EPN2: variants seen among roughly 807,000 people sequenced by gnomAD.
EPN2 encodes the protein epsin-2.
Under a neutral mutation model 61.7 loss-of-function variants are expected in EPN2, and 34 were observed. That is an observed-to-expected ratio of 0.55 (90% confidence interval 0.42 to 0.73). The LOEUF is 0.73. EPN2 is among the 30% of genes least tolerant of loss of function. The pLI is 0.00. For synonymous variants in EPN2, 349 were observed against 353.6 expected (o/e 0.99, Z 0.15); for missense variants, 714 against 839.2 (o/e 0.85, Z 1.84).
At chr17:19,277,886 C>T (rs182973941) in intron 1 of EPN2, among the ~76,000 whole-genome samples, 16 of 152,154 alleles carry the variant, frequency 1.1e-4, no homozygotes, top group Admixed American at 1.0e-3. Flanking sequence ...TCCTGGCTAA[C>T]ACGGTGAAAC....
chr17:19,286,483 AC>A (rs1446363067), intron 4 of EPN2, among the ~76,000 whole-genome samples: 1 of 152,168 alleles, frequency 6.6e-6, no homozygotes, highest in East Asian at 1.9e-4. Flanking sequence ...TAAACTGAAA[AC>A]AGATTTTCAC....
At chr17:19,325,875 A>T (rs1025562493) in intron 7 of EPN2, among the ~76,000 whole-genome samples, 2 of 152,250 alleles carry the variant, frequency 1.3e-5, no homozygotes, top group Admixed American at 6.5e-5. Flanking sequence ...TTGAATTATT[A>T]TTAGAATCAA....
At chr17:19,333,607 C>A (rs1907262971) in intron 10 of EPN2, among the ~76,000 whole-genome samples, 1 of 152,136 alleles carries the variant, frequency 6.6e-6, no homozygotes, top group Non-Finnish European at 1.5e-5. Flanking sequence ...TTTCAGCAAA[C>A]AAAATGAGGG....
intron 7 of EPN2, 89 bp from the exon 8 acceptor site, chr17:19,328,622 G>A (rs1264279173): frequency 8.0e-7 from 1 of 1,249,302 alleles, no homozygotes; most frequent in Admixed American, 2.3e-5. Context: ...ATAGACCCTG[G>A]TGTGGCTGGC....
chr17:19,283,068 A>G lies in EPN2; in HGVS notation c.-52A>G, dbSNP rs761570958. ...CATAGGGTGCGCACTTACCAAGGACAGGAAGGTTTCTCTGTTTGAAGGGCT... is the reference window on the plus strand; with the variant it reads ...CATAGGGTGCGCACTTACCAAGGACGGGAAGGTTTCTCTGTTTGAAGGGCT... On this transcript the variant is annotated 5_prime_UTR_variant, in exon 3 of 11. Coordinates refer to ENST00000314728, the MANE Select transcript of EPN2 (RefSeq NM_014964.5). This position sits in a 1 kb window ranked among gnomAD's most constrained non-coding sequence, Gnocchi z 7.0. The G allele has an allele frequency of 4.3e-6, 6 of 1,394,766 alleles. No homozygotes were observed. The highest frequency in any genetic ancestry group is 1.3e-5 in the South Asian group (1 of 75,864). 86.4% of individuals were successfully genotyped at this position (1,394,766 alleles called of 1,614,324 possible).
intron 1 of EPN2, among the ~76,000 whole-genome samples, chr17:19,270,777 G>C (rs76692401): frequency 6.6e-6 from 1 of 152,198 alleles, no homozygotes; most frequent in Non-Finnish European, 1.5e-5. Flanking sequence ...CAGGCTGCTG[G>C]TGTCGCTCCT....
intron 1 of EPN2, among the ~76,000 whole-genome samples, chr17:19,264,484 A>T (rs888333882): frequency 6.6e-6 from 1 of 152,148 alleles, no homozygotes; most frequent in Non-Finnish European, 1.5e-5. Context: ...CAGCTCTCTC[A>T]TGTTCCTTAT....
At chr17:19,312,565 A>T (rs1198828025) in intron 6 of EPN2, among the ~76,000 whole-genome samples, 2 of 152,210 alleles carry the variant, frequency 1.3e-5, no homozygotes, top group African/African-American at 4.8e-5. Context: ...GGCTCTTGAC[A>T]AGCTCATCAT....
rs190414563 is a variant in EPN2 at position 19,315,748 on chromosome 17, G to A, written c.1147+2469G>A. Among the ~76,000 whole-genome samples the A allele has an allele frequency of 2.6e-5, 4 of 152,288 alleles. No homozygotes were observed. The East Asian group carries it at 7.7e-4, about 29-fold the overall frequency. ...GATCCGCTTGCCTCGGCCTCCCAAA[G>A]TGTTGGGATTACAGGCATGAGGCAC... is the stretch of plus-strand genomic sequence containing the variant. On this transcript the variant is annotated intron_variant, in intron 7 of 10. Coordinates refer to ENST00000314728, the MANE Select transcript of EPN2 (RefSeq NM_014964.5).
At chr17:19,305,750 G>T (rs1905807821) in intron 4 of EPN2, among the ~76,000 whole-genome samples, 1 of 152,116 alleles carries the variant, frequency 6.6e-6, no homozygotes, top group Non-Finnish European at 1.5e-5. Context: ...GCAGTCCCTG[G>T]AGCAGACAGG....
Position 19,285,756 on chromosome 17 carries a change from C to A in EPN2, c.732C>A (p.Ser244=). ...CCTCCCGCCCAAATGGCGACTGGTC[C>A]CAGCCCTGCCTCACTTGTGACCGCG... ...GLASRPNGDW[S]QPCLTCDRAA... is the part of the protein sequence containing the mutation. Residue 244 remains serine (S), a synonymous_variant, in exon 4 of 11, where the codon TCC becomes TCA. Transcript: ENST00000314728. The surrounding 1 kb of genome is among the most constrained non-coding windows in gnomAD (Gnocchi z 4.5). 1.9e-6 allele frequency: 3 copies of A among 1,607,580 alleles called. 1 individual carries two copies. The South Asian group carries it at 3.3e-5, about 18-fold the overall frequency.
At chr17:19,289,118 A>G (rs4079587) in intron 4 of EPN2, among the ~76,000 whole-genome samples, 131,725 of 136,564 alleles carry the variant, frequency 0.96, 63,794 homozygotes, top group African/African-American at 0.99. Context: ...AGAATCTTGC[A>G]CTGTCACCCA....
intron 4 of EPN2, among the ~76,000 whole-genome samples, chr17:19,296,266 T>A (rs1311937339): frequency 6.6e-6 from 1 of 151,964 alleles, no homozygotes; most frequent in Non-Finnish European, 1.5e-5. Flanking sequence ...TTCTCATGTC[T>A]CAGCCTCCCG....
intron 4 of EPN2, among the ~76,000 whole-genome samples, chr17:19,293,450 GCCTCTA>G (rs2045484635): frequency 1.3e-5 from 2 of 150,364 alleles, no homozygotes; most frequent in Admixed American, 1.3e-4. Context: ...GCTCACTGCA[GCCTCTA>G]CCTCCCTGGG....
chr17:19,287,088 A>G (rs1368972421), intron 4 of EPN2, among the ~76,000 whole-genome samples: 4 of 152,086 alleles, frequency 2.6e-5, no homozygotes, highest in Non-Finnish European at 5.9e-5. Context: ...TCCCGCTGGC[A>G]AACTGGCTTT....
At chr17:19,319,122 C>G (rs544409982) in intron 7 of EPN2, among the ~76,000 whole-genome samples, 1 of 151,414 alleles carries the variant, frequency 6.6e-6, no homozygotes, top group African/African-American at 2.4e-5. Flanking sequence ...CGCTTGAACC[C>G]GGGAGGCAGA....
intron 7 of EPN2, among the ~76,000 whole-genome samples, chr17:19,321,702 G>C (rs1445975684): frequency 2.8e-5 from 4 of 145,014 alleles, no homozygotes; most frequent in African/African-American, 1.0e-4. Context: ...GGAAAGCGAG[G>C]CTCCAGTCTG....
intron 1 of EPN2, among the ~76,000 whole-genome samples, chr17:19,250,846 A>C (rs1265431651): frequency 2.2e-5 from 3 of 135,044 alleles, no homozygotes; most frequent in South Asian, 5.5e-4. Context: ...GCCCCCCTGC[A>C]CCTCCCCCCT....
chr17:19,333,950 C>T lies in EPN2; in HGVS notation c.1628-6C>T, dbSNP rs371027337. The T allele has an allele frequency of 3.8e-5, 58 of 1,531,870 alleles. No homozygotes were observed. Among genetic ancestry groups the T allele is most frequent in the Non-Finnish European group, 4.8e-5 (55 of 1,134,522 alleles). The allele number at this position is 1,531,870 out of a possible 1,614,324, so 94.9% of individuals were successfully genotyped here. A position where few individuals can be genotyped will look rare whatever the true frequency, so the allele number is the denominator to read the frequency against. On this transcript the variant is annotated splice_polypyrimidine_tract_variant and splice_region_variant and intron_variant, in intron 10 of 10. Coordinates refer to ENST00000314728, the MANE Select transcript of EPN2 (RefSeq NM_014964.5). ...TCAGCCTCTGCCCCTCCTTCTGTCT[C>T]CCCAGGTGCTCCCGCCACCTCGGCC...
Sources: gnomAD v4.1 joint callset for allele counts (sites outside exome capture counted in the v4.1 genomes callset) on GRCh38, gnomAD v4.1.1 for gene constraint, Gnocchi (gnomAD v3.1) non-coding constraint, MANE v1.5 for transcripts, NCBI Gene and HGNC (gene_info 2026-07-23, HGNC 2026-07-21) for gene names.